Variants in ANKS1B observed in about 807,000 individuals in gnomAD.
The protein encoded by ANKS1B is ankyrin repeat and sterile alpha motif domain-containing protein 1B.
Under a neutral mutation model 148.3 loss-of-function variants are expected in ANKS1B, and 36 were observed. That is an observed-to-expected ratio of 0.24 (90% confidence interval 0.19 to 0.32). The LOEUF is 0.32. Ranked by LOEUF, ANKS1B falls within the 10% of genes least tolerant of loss-of-function variation. The probability of loss-of-function intolerance (pLI) is 1.00; values close to 1 mark genes in which losing one functional copy is unlikely to be tolerated. For missense variants in ANKS1B, 1,157 were observed against 1,542.6 expected, an observed-to-expected ratio of 0.75 and a Z score of 4.19; for synonymous variants, 542 against 560.8, an observed-to-expected ratio of 0.97 and a Z score of 0.47.
At chr12:99,743,494 A>G (rs1408113721) in intron 8 of ANKS1B, among the ~76,000 whole-genome samples, 1 of 152,256 alleles carries the variant, frequency 6.6e-6, no homozygotes, top group African/African-American at 2.4e-5. Flanking sequence ...AATGAAATCT[A>G]CAACATAACG....
intron 15 of ANKS1B, among the ~76,000 whole-genome samples, chr12:99,139,095 G>C (rs1472347989): frequency 1.3e-5 from 2 of 149,398 alleles, no homozygotes; most frequent in East Asian, 2.0e-4. Flanking sequence ...TTGAACTCTT[G>C]AGCTTAAGCA....
intron 14 of ANKS1B, among the ~76,000 whole-genome samples, chr12:99,157,751 C>T (rs1345720513): frequency 6.6e-6 from 1 of 152,216 alleles, no homozygotes; most frequent in African/African-American, 2.4e-5. Context: ...GCCCAGACCT[C>T]ACCACTTTGG....
chr12:98,875,406 G>A (rs1177623384), intron 17 of ANKS1B, among the ~76,000 whole-genome samples: 4 of 152,082 alleles, frequency 2.6e-5, no homozygotes, highest in Non-Finnish European at 5.9e-5. Context: ...TTGAGGATCT[G>A]GTCCCTTCTG....
chr12:99,970,410 T>A (rs1334917095), intron 1 of ANKS1B, among the ~76,000 whole-genome samples: 2 of 152,118 alleles, frequency 1.3e-5, no homozygotes, highest in African/African-American at 4.8e-5. Context: ...ATAACTACAT[T>A]AAACATGCTT....
At chr12:99,858,671 A>G (rs893644454) in intron 1 of ANKS1B, among the ~76,000 whole-genome samples, 2 of 152,206 alleles carry the variant, frequency 1.3e-5, no homozygotes, top group South Asian at 2.1e-4. Flanking sequence ...TGGTAAATAT[A>G]TATACCACGG....
At chr12:98,914,027 T>C (rs1482511855) in intron 17 of ANKS1B, among the ~76,000 whole-genome samples, 1 of 152,174 alleles carries the variant, frequency 6.6e-6, no homozygotes, top group Non-Finnish European at 1.5e-5. Flanking sequence ...CTATGTGATA[T>C]GGTTTGGATA....
chr12:99,515,638 A>G (rs967057322), intron 9 of ANKS1B, among the ~76,000 whole-genome samples: 28 of 152,118 alleles, frequency 1.8e-4, no homozygotes, highest in Non-Finnish European at 3.2e-4. Context: ...CAAATATGGG[A>G]GTAGAGCCAT....
intron 9 of ANKS1B, among the ~76,000 whole-genome samples, chr12:99,538,240 G>A (rs540290443): frequency 6.6e-6 from 1 of 152,072 alleles, no homozygotes; most frequent in African/African-American, 2.4e-5. Context: ...GGCTATTCTG[G>A]TTTTTTTGTG....
At chr12:99,926,644 T>G (rs749417035) in intron 1 of ANKS1B, among the ~76,000 whole-genome samples, 4 of 152,184 alleles carry the variant, frequency 2.6e-5, no homozygotes, top group Admixed American at 1.3e-4. Context: ...TCAGCCTCCA[T>G]AATCACACAA....
chr12:99,757,677 T>C (rs781765060), intron 8 of ANKS1B, among the ~76,000 whole-genome samples: 4 of 151,954 alleles, frequency 2.6e-5, no homozygotes, highest in South Asian at 2.1e-4. Context: ...AGCAAAGAGA[T>C]GGAATCAACC....
intron 17 of ANKS1B, among the ~76,000 whole-genome samples, chr12:98,874,901 A>G (rs534208466): frequency 8.5e-5 from 13 of 152,240 alleles, no homozygotes; most frequent in Non-Finnish European, 1.3e-4. Flanking sequence ...AATGACACAC[A>G]TAGCTTGCCC....
chr12:99,326,184 T>G (rs1189236983), intron 12 of ANKS1B, among the ~76,000 whole-genome samples: 18 of 152,044 alleles, frequency 1.2e-4, no homozygotes. Context: ...AAGATGAGAC[T>G]GGGGTGGGGA....
At chr12:98,742,585 G>A (rs1410520800), downstream of ANKS1B, among the ~76,000 whole-genome samples, 1 of 152,256 alleles carries the variant, frequency 6.6e-6, no homozygotes, top group African/African-American at 2.4e-5. Context: ...ACAGTTAAGT[G>A]GAGTTGGCAT....
At chr12:99,727,700 G>C (rs980593157) in intron 8 of ANKS1B, among the ~76,000 whole-genome samples, 1 of 152,050 alleles carries the variant, frequency 6.6e-6, no homozygotes, top group African/African-American at 2.4e-5. Context: ...TAATCAAAAA[G>C]AACAAAGCAG....
intron 11 of ANKS1B, among the ~76,000 whole-genome samples, chr12:99,414,872 A>G (rs1182091672): frequency 6.6e-6 from 1 of 152,254 alleles, no homozygotes; most frequent in Non-Finnish European, 1.5e-5. Context: ...TAGATTTTTT[A>G]AAAGTGTTAA....
chr12:99,672,186 C>T (rs550188060), intron 8 of ANKS1B, among the ~76,000 whole-genome samples: 254 of 152,182 alleles, frequency 1.7e-3, no homozygotes, highest in African/African-American at 5.8e-3. Context: ...TAAACCCATG[C>T]TGGATAAGTC....
At chr12:99,827,769 C>A (rs929848232) in intron 1 of ANKS1B, among the ~76,000 whole-genome samples, 1 of 152,048 alleles carries the variant, frequency 6.6e-6, no homozygotes. Flanking sequence ...GTAGATCAAC[C>A]AGAATTCACA....
chr12:98,772,107 C>T (rs936369518), intron 25 of ANKS1B, among the ~76,000 whole-genome samples: 2 of 152,132 alleles, frequency 1.3e-5, no homozygotes, highest in Non-Finnish European at 2.9e-5. Context: ...ATGAAAATAT[C>T]GAAAAATCTC....
chr12:98,740,587 CAT>C (rs1314016260), downstream of ANKS1B, among the ~76,000 whole-genome samples: 2 of 152,188 alleles, frequency 1.3e-5, no homozygotes, highest in Non-Finnish European at 1.5e-5. Flanking sequence ...AAGTGTCTCA[CAT>C]GTGTGTGCTT....
Sources: gnomAD v4.1 joint callset for allele counts (sites outside exome capture counted in the v4.1 genomes callset) on GRCh38, gnomAD v4.1.1 for gene constraint, MANE v1.5 for transcripts, NCBI Gene and HGNC (gene_info 2026-07-23, HGNC 2026-07-21) for gene names.